ADK: variants seen among roughly 807,000 people sequenced by gnomAD.
The protein encoded by ADK is N6,N6-dimethyladenosine kinase.
A neutral mutation model predicts 44.7 loss-of-function variants in ADK; 24 were observed. That is an observed-to-expected ratio of 0.54 (90% CI 0.39 to 0.76). The LOEUF (loss-of-function observed/expected upper bound fraction) is 0.76. Ranked by LOEUF, ADK falls within the 30% of genes least tolerant of loss-of-function variation. The pLI, the probability that ADK is intolerant of heterozygous loss-of-function variation, is 0.00. For missense variants in ADK, 321 were observed against 425.1 expected (o/e 0.76, Z 2.15); for synonymous variants, 128 against 142.6 (o/e 0.90, Z 0.73).
chr10:74,572,118 G>T (rs1187475630), intron 7 of ADK, among the ~76,000 whole-genome samples: 1 of 152,070 alleles, frequency 6.6e-6, no homozygotes, highest in African/African-American at 2.4e-5. Flanking sequence ...TTACAATTTG[G>T]CATGATTTTG....
chr10:74,423,750 T>A, intron 6 of ADK: 1 of 422,890 alleles, frequency 2.4e-6, no homozygotes, highest in South Asian at 1.9e-5. Flanking sequence ...CTGGTGCAAA[T>A]GTATCTTTTT....
chr10:74,412,787 G>A (rs1844231170), intron 6 of ADK, among the ~76,000 whole-genome samples: 1 of 152,190 alleles, frequency 6.6e-6, no homozygotes, highest in Non-Finnish European at 1.5e-5. Flanking sequence ...GCTGGGCACA[G>A]TGGCTTATGC....
At chr10:74,406,375 T>G (rs1346397196) in intron 6 of ADK, among the ~76,000 whole-genome samples, 2 of 152,122 alleles carry the variant, frequency 1.3e-5, no homozygotes, top group African/African-American at 4.8e-5. Flanking sequence ...TAAACAATTT[T>G]ATTATGATGT....
At chr10:74,675,295 C>A (rs938072871) in intron 10 of ADK, among the ~76,000 whole-genome samples, 1 of 152,178 alleles carries the variant, frequency 6.6e-6, no homozygotes, top group Non-Finnish European at 1.5e-5. Flanking sequence ...TATATGACTA[C>A]ATCATGGATT....
intron 4 of ADK, among the ~76,000 whole-genome samples, chr10:74,371,357 G>A (rs1417695874): frequency 6.6e-6 from 1 of 152,124 alleles, no homozygotes; most frequent in East Asian, 1.9e-4. Flanking sequence ...TATTGGAAAG[G>A]AAATAGTAAA....
intron 6 of ADK, among the ~76,000 whole-genome samples, chr10:74,409,505 T>C (rs1482501229): frequency 6.6e-6 from 1 of 152,192 alleles, no homozygotes; most frequent in Non-Finnish European, 1.5e-5. Flanking sequence ...AGACTTGTGG[T>C]GAGTTTTCCT....
At position 74,403,648 on chromosome 10, in the gene ADK, TG is replaced by T. The variant is rs376219487; in HGVS notation, c.555+5071del. Among the ~76,000 whole-genome samples the T allele has an allele frequency of 5.7e-3, 863 of 152,268 alleles. 12 individuals carry two copies. Among genetic ancestry groups the T allele is most frequent in the African/African-American group, 0.019 (803 of 41,562 alleles). On this transcript the variant is annotated intron_variant, in intron 6 of 10. Coordinates refer to ENST00000539909, the MANE Select transcript of ADK (RefSeq NM_006721.4). Reference sequence around the variant, plus strand: ...CTGATTTTCCAGGTACCGTCTGTCATGGCTTCCCTTGGCTAGGAAATGGAAT... The same window carrying T: ...CTGATTTTCCAGGTACCGTCTGTCATGCTTCCCTTGGCTAGGAAATGGAAT...
intron 3 of ADK, 45 bp from the exon 4 acceptor site, chr10:74,314,622 C>A (rs1419326993): frequency 7.4e-7 from 1 of 1,346,430 alleles, no homozygotes; most frequent in Non-Finnish European, 1.1e-6. Flanking sequence ...TTTGTTGCAA[C>A]TCACAGAAGG....
chr10:74,657,787 G>C (rs1239949919), intron 9 of ADK, among the ~76,000 whole-genome samples: 1 of 152,186 alleles, frequency 6.6e-6, no homozygotes, highest in African/African-American at 2.4e-5. Flanking sequence ...AAGTTTAGTT[G>C]AGAAGACATT....
At chr10:74,381,884 A>T (rs1842985630) in intron 4 of ADK, among the ~76,000 whole-genome samples, 1 of 152,132 alleles carries the variant, frequency 6.6e-6, no homozygotes, top group African/African-American at 2.4e-5. Flanking sequence ...TGTTGGGCAG[A>T]TGTTTACTGC....
At chr10:74,694,545 A>G (rs1425220778) in intron 10 of ADK, among the ~76,000 whole-genome samples, 3 of 152,128 alleles carry the variant, frequency 2.0e-5, no homozygotes, top group Non-Finnish European at 2.9e-5. Context: ...CAGTGGCACA[A>G]TCATAGCTCA....
chr10:74,301,280 C>T (rs369474845), intron 3 of ADK, among the ~76,000 whole-genome samples: 5 of 151,864 alleles, frequency 3.3e-5, no homozygotes, highest in East Asian at 1.9e-4. Context: ...TTTGGGAGGC[C>T]GAGGCAGGTG....
intron 9 of ADK, chr10:74,655,882 CTTCTACCCTAG>C (rs1854470386): frequency 1.6e-6 from 1 of 629,270 alleles, no homozygotes; most frequent in South Asian, 1.6e-5. Context: ...GCAAAGAATG[CTTCTACCCTAG>C]CTGACCTGAC....
At chr10:74,525,793 T>TG (rs1849013923) in intron 7 of ADK, among the ~76,000 whole-genome samples, 1 of 152,128 alleles carries the variant, frequency 6.6e-6, no homozygotes. Flanking sequence ...TAGCTGGGGT[T>TG]ATAGGCGCAT....
At chr10:74,284,948 TG>T (rs1388610538) in intron 3 of ADK, among the ~76,000 whole-genome samples, 9 of 152,230 alleles carry the variant, frequency 5.9e-5, no homozygotes, top group Admixed American at 5.9e-4. Flanking sequence ...GTTAGTAAAG[TG>T]AATATTAGGG....
chr10:74,213,889 T>G (rs953694893), intron 2 of ADK, among the ~76,000 whole-genome samples: 1 of 152,214 alleles, frequency 6.6e-6, no homozygotes, highest in African/African-American at 2.4e-5. Flanking sequence ...TAAGCAGTGA[T>G]ATCAATATCT....
chr10:74,197,829 G>C (rs1225339643), intron 1 of ADK, among the ~76,000 whole-genome samples: 1 of 152,044 alleles, frequency 6.6e-6, no homozygotes, highest in African/African-American at 2.4e-5. Flanking sequence ...TTTAAACGGA[G>C]TATAATAAAC....
intron 4 of ADK, among the ~76,000 whole-genome samples, chr10:74,323,355 G>A (rs1840883399): frequency 6.6e-6 from 1 of 152,150 alleles, no homozygotes; most frequent in Non-Finnish European, 1.5e-5. Context: ...AGCTGTCATT[G>A]TTCTTGAAAG....
chr10:74,682,270 A>G (rs1369453480), intron 10 of ADK, among the ~76,000 whole-genome samples: 2 of 152,234 alleles, frequency 1.3e-5, no homozygotes, highest in Non-Finnish European at 2.9e-5. Context: ...TAATTCAAAT[A>G]CAATGTCCCA....
Sources: allele counts gnomAD v4.1 joint callset (sites outside exome capture counted in the v4.1 genomes callset), GRCh38; gene constraint gnomAD v4.1.1; transcripts MANE v1.5; gene names NCBI Gene and HGNC (gene_info 2026-07-23, HGNC 2026-07-21).